PGAP2: variants seen among roughly 807,000 people sequenced by gnomAD.
The protein encoded by PGAP2 is acyltransferase PGAP2.
A neutral mutation model predicts 33.2 loss-of-function variants in PGAP2; 21 were observed. That is an observed-to-expected ratio of 0.63 (90% CI 0.45 to 0.91). The LOEUF (loss-of-function observed/expected upper bound fraction) is 0.91, where lower values mean the gene tolerates loss of function less well. Among genes scored for constraint, PGAP2 ranks in the 40% least tolerant of loss-of-function variants. PGAP2 has a pLI of 0.00. For missense variants in PGAP2, 345 were observed against 424.0 expected, an observed-to-expected ratio of 0.81 and a Z score of 1.64; for synonymous variants, 161 against 172.9, an observed-to-expected ratio of 0.93 and a Z score of 0.54.
In PGAP2 at chr11:3,797,964, A is replaced by C. The variant is rs757468946; in HGVS notation, c.121A>C (p.Thr41Pro). ...GAGGGAGCTCGGGCCAATCAGAGGG[A>C]CGGCCCCAGAATGGCATGGTAACTA... is the stretch of plus-strand genomic sequence containing the variant. Residue 41 changes from threonine to proline, a missense_variant, in exon 1 of 7, where the codon ACG becomes CCG. Physicochemically the swap from Thr to Pro is conservative, Grantham distance 38. Transcript: ENST00000300730. The C allele has an allele frequency of 1.9e-6, 3 of 1,547,402 alleles. No individual in the cohort carries two copies. The South Asian group carries it at 3.6e-5, about 18-fold the overall frequency.
At chr11:3,814,720 T>TTTCTTTCCTTCTTTCC (rs71041398) in intron 2 of PGAP2, among the ~76,000 whole-genome samples, 5 of 117,234 alleles carry the variant, frequency 4.3e-5, no homozygotes, top group Non-Finnish European at 5.8e-5. Flanking sequence ...GCCCAAGCTT[T>TTTCTTTCCTTCTTTCC]TTCTTTCCTT....
intron 3 of PGAP2, among the ~76,000 whole-genome samples, chr11:3,821,564 G>A (rs2088643664): frequency 1.3e-5 from 2 of 152,008 alleles, no homozygotes; most frequent in South Asian, 4.1e-4. Flanking sequence ...TCTGAGACGA[G>A]CCTGCCCAAC....
chr11:3,817,604 T>C, intron 3 of PGAP2, 69 bp downstream of exon 3: 5 of 1,272,454 alleles, frequency 3.9e-6, no homozygotes, highest in Non-Finnish European at 5.7e-6. Flanking sequence ...TAGAATTAGA[T>C]AGTGGAGAGG....
intron 1 of PGAP2, among the ~76,000 whole-genome samples, chr11:3,810,864 G>A (rs2085404578): frequency 6.6e-6 from 1 of 152,210 alleles, no homozygotes; most frequent in Admixed American, 6.5e-5. Context: ...TGGGGGAGGA[G>A]ATGGGCCATG....
chr11:3,825,700 C>A lies in PGAP2; in HGVS notation c.*242C>A. On this transcript the variant is annotated 3_prime_UTR_variant, in exon 7 of 7. Transcript: ENST00000278243. ...GAGAGGCCCCAAGAAGCTGAGCTGG[C>A]AGAGAGCTCCACCATTTGGTGCTAA... 2 of 312,320 alleles carry A rather than the reference C, an allele frequency of 6.4e-6. No homozygotes were observed. Among genetic ancestry groups the A allele is most frequent in the Non-Finnish European group, 1.2e-5 (2 of 167,626 alleles). The allele number at this position is 312,320 out of a possible 1,614,324, so 19.3% of individuals were successfully genotyped here.
chr11:3,825,531 C>A lies in PGAP2; in HGVS notation c.*73C>A, dbSNP rs1178507560. ...GAAACACGATACCATTCTGGCCTTC[C>A]CCACCCCACATCCTCTCTTGGCCTT... On this transcript the variant is annotated 3_prime_UTR_variant, in exon 7 of 7. Transcript: ENST00000278243. 4 of 1,475,168 alleles carry A rather than the reference C, an allele frequency of 2.7e-6. No homozygotes were observed. The highest frequency in any genetic ancestry group is 2.8e-6 in the Non-Finnish European group (3 of 1,079,218). The allele number at this position is 1,475,168 out of a possible 1,614,324, so 91.4% of individuals were successfully genotyped here.
intron 3 of PGAP2, among the ~76,000 whole-genome samples, chr11:3,820,376 C>T (rs994829389): frequency 2.0e-5 from 3 of 152,178 alleles, no homozygotes; most frequent in Non-Finnish European, 2.9e-5. Context: ...GTTTTATACA[C>T]GTTATATTTA....
At chr11:3,803,558 G>T (rs967598015) in intron 1 of PGAP2, among the ~76,000 whole-genome samples, 4 of 151,876 alleles carry the variant, frequency 2.6e-5, no homozygotes, top group African/African-American at 9.7e-5. Context: ...CTCCCAAGTA[G>T]CTGGGATTAC....
intron 6 of PGAP2, 81 bp from the exon 7 acceptor site, chr11:3,825,247 A>G (rs1455117502): frequency 8.3e-6 from 13 of 1,563,676 alleles, no homozygotes; most frequent in African/African-American, 5.4e-5. Context: ...TGGCAGACCA[A>G]TGGTGGTGTG....
At chr11:3,821,757 CA>C (rs111889119) in intron 3 of PGAP2, among the ~76,000 whole-genome samples, 346 of 135,592 alleles carry the variant, frequency 2.6e-3, no homozygotes, top group Non-Finnish European at 2.2e-3. Flanking sequence ...GACTCCATCT[CA>C]AAAAAAAAAA....
intron 6 of PGAP2, 42 bp downstream of exon 6, chr11:3,825,170 C>G: frequency 6.3e-7 from 1 of 1,595,130 alleles, no homozygotes; most frequent in Non-Finnish European, 8.6e-7. Context: ...TGAGTGGCTG[C>G]GGGGCAGCAA....
chr11:3,814,438 G>A (rs1590248887), intron 2 of PGAP2, among the ~76,000 whole-genome samples: 1 of 151,952 alleles, frequency 6.6e-6, no homozygotes. Context: ...TGTATTTTTG[G>A]TATTGACGGG....
chr11:3,824,731 C>T (rs987672374), intron 5 of PGAP2: 3 of 1,242,574 alleles, frequency 2.4e-6, no homozygotes, highest in East Asian at 2.6e-5. Context: ...TCTTTTCCCC[C>T]ACAGTATTTG....
rs768180527 is a variant in PGAP2, at chr11:3,825,066, T to C, written c.755T>C (p.Phe252Ser). Reference protein sequence around the residue: ...SWKQRLFIINFISFFSALAVY... With the variant: ...SWKQRLFIINSISFFSALAVY... Reference sequence around the variant, plus strand: ...AAACAGCGGCTCTTCATCATCAACTTCATCTCCTTCTTCTCGGCGCTGGCT... The same window carrying C: ...AAACAGCGGCTCTTCATCATCAACTCCATCTCCTTCTTCTCGGCGCTGGCT... The change falls in exon 6 of 7, where the codon TTC (phenylalanine) becomes TCC (serine). Residue 252 changes from phenylalanine (F) to serine (S), a missense_variant. Phe to Ser is a radical substitution (Grantham distance 155). This residue lies in a region of PGAP2 where 311 missense variants were observed against 353.6 expected (regional missense o/e 0.88). Transcript: ENST00000278243. 6.2e-7 allele frequency: 1 copy of C among 1,614,142 alleles called. No homozygotes were observed. The highest frequency in any genetic ancestry group is 2.2e-5 in the East Asian group (1 of 44,874).
chr11:3,823,664 C>G (rs771495030), intron 3 of PGAP2: 1 of 1,552,546 alleles, frequency 6.4e-7, no homozygotes, highest in Non-Finnish European at 8.7e-7. Context: ...TGCTGCTGCA[C>G]AAATCCCAGG....
chr11:3,804,155 T>A (rs747735611), upstream of PGAP2, among the ~76,000 whole-genome samples: 1 of 152,104 alleles, frequency 6.6e-6, no homozygotes, highest in Non-Finnish European at 1.5e-5. Context: ...ATTTTAGTGA[T>A]CTCCCTAGAA....
chr11:3,805,140 C>T (rs1032619071), upstream of PGAP2, among the ~76,000 whole-genome samples: 3 of 152,092 alleles, frequency 2.0e-5, no homozygotes, highest in Non-Finnish European at 2.9e-5. Flanking sequence ...AAGTTCAGGA[C>T]GAGTTCACAC....
intron 3 of PGAP2, among the ~76,000 whole-genome samples, chr11:3,821,689 C>G (rs1049924596): frequency 6.6e-6 from 1 of 151,228 alleles, no homozygotes; most frequent in South Asian, 2.1e-4. Context: ...CCGCAGGAAG[C>G]GGAGGTTGCA....
Position 3,817,347 on chromosome 11 carries a change from G to A in PGAP2, c.166-6G>A. On this transcript the variant is annotated splice_region_variant and splice_polypyrimidine_tract_variant and intron_variant, in intron 2 of 6. Transcript: ENST00000278243. ...GGCCCCAAGTTGTATCCCTCGTGCT[G>A]CTTAGGCCACGCCCTGCAGGATGTT... is the stretch of plus-strand genomic sequence containing the variant. The A allele has an allele frequency of 6.2e-7, 1 of 1,609,980 alleles. No individual in the cohort carries two copies. Among genetic ancestry groups the A allele is most frequent in the Admixed American group, 1.7e-5 (1 of 59,766 alleles).
Sources: allele counts gnomAD v4.1 joint callset (sites outside exome capture counted in the v4.1 genomes callset), GRCh38; gene constraint gnomAD v4.1.1; regional missense constraint gnomAD v4.1.1; transcripts MANE v1.5; gene names NCBI Gene and HGNC (gene_info 2026-07-23, HGNC 2026-07-21).